The following UNC5D variants were observed in gnomAD, a reference collection of about 807,000 sequenced individuals.
UNC5D encodes netrin receptor UNC5D.
UNC5D carries 39 observed loss-of-function variants against 105.4 expected under a neutral mutation model. That is an observed-to-expected ratio of 0.37 (90% CI 0.29 to 0.48). The LOEUF is 0.48. UNC5D is among the 20% of genes least tolerant of loss of function. UNC5D has a pLI of 0.98. For missense variants in UNC5D, 991 were observed against 1,202.4 expected, an observed-to-expected ratio of 0.82 and a Z score of 2.60; for synonymous variants, 452 against 450.4, an observed-to-expected ratio of 1.00 and a Z score of -0.04.
At chr8:35,659,387 A>T (rs1823979227) in intron 4 of UNC5D, among the ~76,000 whole-genome samples, 1 of 152,194 alleles carries the variant, frequency 6.6e-6, no homozygotes, top group South Asian at 2.1e-4. Flanking sequence ...TATGTATTTG[A>T]TTATTACCAT....
At chr8:35,382,626 T>C (rs1803114495) in intron 1 of UNC5D, among the ~76,000 whole-genome samples, 1 of 152,216 alleles carries the variant, frequency 6.6e-6, no homozygotes, top group Non-Finnish European at 1.5e-5. Context: ...ATTTCATTGG[T>C]AATAAATTCC....
At chr8:35,608,168 A>G (rs146580189) in intron 4 of UNC5D, among the ~76,000 whole-genome samples, 1 of 152,224 alleles carries the variant, frequency 6.6e-6, no homozygotes, top group Non-Finnish European at 1.5e-5. Flanking sequence ...TACCTCTGGC[A>G]TCATATCACT....
intron 1 of UNC5D, among the ~76,000 whole-genome samples, chr8:35,442,746 C>T (rs1048917839): frequency 6.6e-6 from 1 of 151,940 alleles, no homozygotes; most frequent in Non-Finnish European, 1.5e-5. Flanking sequence ...GATAAGACAG[C>T]TGAAGTGTTT....
rs145102877 is a variant in UNC5D at position 35,574,919 on chromosome 8, C to G, written c.466+6678C>G. Among the ~76,000 whole-genome samples the G allele has an allele frequency of 2.4e-4, 36 of 152,180 alleles. 1 individual carries two copies. In the East Asian group the frequency reaches 6.4e-3, roughly 27 times the overall value. ...CATATTCTGTGGCCCATCTCACACT[C>G]CAATCTCTCCCTAAATCCAAGGGCC... is the stretch of plus-strand genomic sequence containing the variant. On this transcript the variant is annotated intron_variant, in intron 3 of 16. Transcript: ENST00000404895.
At chr8:35,478,599 T>C (rs943338397) in intron 1 of UNC5D, among the ~76,000 whole-genome samples, 26 of 152,320 alleles carry the variant, frequency 1.7e-4, no homozygotes, top group African/African-American at 6.0e-4. Context: ...CATAAGACCA[T>C]GCTTTACTTA....
chr8:35,596,353 A>T (rs749442200), intron 4 of UNC5D, among the ~76,000 whole-genome samples: 3 of 152,220 alleles, frequency 2.0e-5, no homozygotes, highest in Non-Finnish European at 4.4e-5. Flanking sequence ...ATTCACAATG[A>T]AAAGATGACC....
intron 1 of UNC5D, among the ~76,000 whole-genome samples, chr8:35,288,934 A>T (rs1424026247): frequency 6.6e-6 from 1 of 152,178 alleles, no homozygotes; most frequent in South Asian, 2.1e-4. Context: ...CAGGAAAGGA[A>T]GAAAAAAAGA....
In UNC5D at chr8:35,257,244, C is replaced by T. The variant is rs573379467; in HGVS notation, c.103+21357C>T. Among the ~76,000 whole-genome samples the T allele has an allele frequency of 5.9e-5, 9 of 152,270 alleles. No individual in the cohort carries two copies. In the South Asian group the frequency reaches 1.9e-3, roughly 32 times the overall value. Reference sequence around the variant, plus strand: ...TCGGCCTCCCAAAGTGTTGAGATTACAGGCGTCAGCCAACGCGCCCAGCCT... The same window carrying T: ...TCGGCCTCCCAAAGTGTTGAGATTATAGGCGTCAGCCAACGCGCCCAGCCT... On this transcript the variant is annotated intron_variant, in intron 1 of 16. Coordinates refer to ENST00000404895, the MANE Select transcript of UNC5D (RefSeq NM_080872.4).
chr8:35,248,622 A>G (rs1416018563), intron 1 of UNC5D, among the ~76,000 whole-genome samples: 1 of 96,836 alleles, frequency 1.0e-5, no homozygotes, highest in African/African-American at 4.4e-5. Context: ...GATATAATAT[A>G]TAAATATATG....
chr8:35,666,350 C>A (rs1328497625), intron 4 of UNC5D, among the ~76,000 whole-genome samples: 1 of 150,750 alleles, frequency 6.6e-6, no homozygotes. Flanking sequence ...TCTTCCAAAG[C>A]GATATTAATA....
intron 4 of UNC5D, among the ~76,000 whole-genome samples, chr8:35,660,997 C>T (rs558446829): frequency 8.6e-5 from 13 of 151,890 alleles, no homozygotes; most frequent in Non-Finnish European, 7.4e-5. Context: ...ACTTGGGAGG[C>T]TGAGGTGGGA....
At chr8:35,295,261 T>C (rs1343637888) in intron 1 of UNC5D, among the ~76,000 whole-genome samples, 1 of 152,214 alleles carries the variant, frequency 6.6e-6, no homozygotes, top group African/African-American at 2.4e-5. Flanking sequence ...ACAATAGATT[T>C]TATGGTAGTA....
chr8:35,463,805 A>T (rs1317232993), intron 1 of UNC5D, among the ~76,000 whole-genome samples: 2 of 151,988 alleles, frequency 1.3e-5, no homozygotes, highest in African/African-American at 4.8e-5. Flanking sequence ...AAAAAAAAAA[A>T]AATGACAACA....
intron 1 of UNC5D, among the ~76,000 whole-genome samples, chr8:35,511,474 T>TA (rs60185539): frequency 0.052 from 4,991 of 96,750 alleles, 362 homozygotes; most frequent in African/African-American, 0.16. Flanking sequence ...CCTCTAAGAT[T>TA]AAAAAAAAAA....
chr8:35,259,069 G>GA (rs1804269726), intron 1 of UNC5D, among the ~76,000 whole-genome samples: 1 of 152,182 alleles, frequency 6.6e-6, no homozygotes, highest in Non-Finnish European at 1.5e-5. Context: ...ATGGAAAAAG[G>GA]AAAAAGATAA....
intron 1 of UNC5D, among the ~76,000 whole-genome samples, chr8:35,486,255 A>G (rs1442628670): frequency 1.3e-5 from 2 of 152,196 alleles, no homozygotes; most frequent in East Asian, 1.9e-4. Flanking sequence ...CCTGTTATGC[A>G]TACGTATGGC....
chr8:35,741,627 G>A (rs992910648), intron 11 of UNC5D, among the ~76,000 whole-genome samples: 3 of 152,120 alleles, frequency 2.0e-5, no homozygotes, highest in East Asian at 1.9e-4. Flanking sequence ...AACAGTCCCC[G>A]TGTAGTTGGA....
chr8:35,306,089 G>GTGTTT (rs1406015891), intron 1 of UNC5D, among the ~76,000 whole-genome samples: 2 of 151,950 alleles, frequency 1.3e-5, no homozygotes, highest in African/African-American at 2.4e-5. Context: ...GGATAGCTAA[G>GTGTTT]TGTTTTGTTC....
chr8:35,617,020 A>AAG (rs749246354), intron 4 of UNC5D, among the ~76,000 whole-genome samples: 30 of 152,348 alleles, frequency 2.0e-4, no homozygotes, highest in Non-Finnish European at 3.4e-4. Context: ...GGCATGAATC[A>AAG]AGAACTCATC....
Sources: gnomAD v4.1 joint callset for allele counts (sites outside exome capture counted in the v4.1 genomes callset) on GRCh38, gnomAD v4.1.1 for gene constraint, MANE v1.5 for transcripts, NCBI Gene and HGNC (gene_info 2026-07-23, HGNC 2026-07-21) for gene names.